Variants in PLB1 observed in about 807,000 individuals in gnomAD.
PLB1 encodes phospholipase B1.
Under a neutral mutation model 227.4 loss-of-function variants are expected in PLB1, and 242 were observed. That is an observed-to-expected ratio of 1.06 (90% CI 0.96 to 1.18). The LOEUF is 1.18. PLB1 is among the 50% of genes most tolerant of loss of function. The probability of loss-of-function intolerance (pLI) is 0.00; values close to 1 mark genes in which losing one functional copy is unlikely to be tolerated. For missense variants in PLB1, 1,858 were observed against 1,816.3 expected (o/e 1.02, Z -0.42); for synonymous variants, 757 against 682.2 (o/e 1.11, Z -1.71).
chr2:28,547,359 A>G (rs989825828), intron 14 of PLB1, among the ~76,000 whole-genome samples: 2 of 152,176 alleles, frequency 1.3e-5, no homozygotes, highest in Admixed American at 6.5e-5. Context: ...CCATCAGAAT[A>G]AAACAGAAAG....
intron 49 of PLB1, among the ~76,000 whole-genome samples, chr2:28,622,161 A>G (rs1283906338): frequency 2.6e-5 from 4 of 152,216 alleles, no homozygotes; most frequent in African/African-American, 9.6e-5. Flanking sequence ...CTTTATCTCT[A>G]TTCTGTTGTT....
intron 17 of PLB1, among the ~76,000 whole-genome samples, chr2:28,561,887 C>T (rs561552195): frequency 6.6e-6 from 1 of 150,774 alleles, no homozygotes; most frequent in South Asian, 2.1e-4. Flanking sequence ...GAGACTTTGT[C>T]TCAAAAGATA....
intron 23 of PLB1, among the ~76,000 whole-genome samples, chr2:28,580,147 T>TG (rs1679676923): frequency 6.6e-6 from 1 of 152,220 alleles, no homozygotes; most frequent in Non-Finnish European, 1.5e-5. Flanking sequence ...TCTGGGCTGG[T>TG]GGGAAACCCA....
chr2:28,518,598 C>T, intron 3 of PLB1, 66 bp downstream of exon 3: 2 of 1,224,244 alleles, frequency 1.6e-6, no homozygotes, highest in Non-Finnish European at 2.4e-6. Context: ...CCAGCAGAGG[C>T]TCTAACCCTA....
At position 28,589,556 on chromosome 2, in the gene PLB1, T is replaced by TA; in HGVS notation, c.1920+5dup. On this transcript the variant is annotated splice_region_variant and intron_variant, in intron 27 of 57. Transcript: ENST00000327757. ...AACGTGGACATGCCAAAGACCTCGG[T>TA]AAAGAAAGCAAGCATCGTAGAAAAA... 6.2e-7 allele frequency: 1 copy of TA among 1,613,916 alleles called. No homozygotes were observed. Among genetic ancestry groups the TA allele is most frequent in the Non-Finnish European group, 8.5e-7 (1 of 1,179,822 alleles).
At chr2:28,535,388 G>A (rs184860405) in intron 9 of PLB1, among the ~76,000 whole-genome samples, 5 of 152,270 alleles carry the variant, frequency 3.3e-5, no homozygotes, top group Non-Finnish European at 7.4e-5. Flanking sequence ...ACTTACCCCA[G>A]AGGCCCTGTG....
At position 28,522,649 on chromosome 2, in the gene PLB1, T is replaced by G. The variant is rs546145871; in HGVS notation, c.244-2618T>G. Among the ~76,000 whole-genome samples, 8 of 152,292 alleles carry G rather than the reference T, an allele frequency of 5.3e-5. No individual in the cohort carries two copies. In the East Asian group the frequency reaches 1.4e-3, roughly 26 times the overall value. On this transcript the variant is annotated intron_variant, in intron 4 of 57. Transcript: ENST00000327757. ...TAAGCCCGTCAGTGACTTGCACTCC[T>G]TGGTCTCATCTCGGAAAGAGCTCTT...
At chr2:28,601,167 A>T in intron 36 of PLB1, 85 bp from the exon 37 acceptor site, 1 of 1,151,084 alleles carries the variant, frequency 8.7e-7, no homozygotes, top group Non-Finnish European at 1.3e-6. Context: ...CAAGGATGTT[A>T]TAGAGGGTTG....
Position 28,555,232 on chromosome 2 carries a change from C to A in PLB1, c.1147+2241C>A, listed in dbSNP as rs180800119. Reference sequence around the variant, plus strand: ...TTTCCGCTTACTGCAACCTCCACCCCCTGGGTTCAAGCGATTCTCCTGCCT... The same window carrying A: ...TTTCCGCTTACTGCAACCTCCACCCACTGGGTTCAAGCGATTCTCCTGCCT... On this transcript the variant is annotated intron_variant, in intron 17 of 57. Transcript: ENST00000327757. 1.4e-4 allele frequency among the ~76,000 whole-genome samples: 21 copies of A among 151,770 alleles called. No individual in the cohort carries two copies. In the East Asian group the frequency reaches 1.5e-3, roughly 11 times the overall value.
chr2:28,638,654 G>A (rs1297307083), intron 56 of PLB1, among the ~76,000 whole-genome samples: 1 of 151,594 alleles, frequency 6.6e-6, no homozygotes, highest in African/African-American at 2.4e-5. Context: ...TTTTTGGTTT[G>A]GGGTCTAAGA....
chr2:28,596,228 A>G (rs1472716537), intron 33 of PLB1, among the ~76,000 whole-genome samples: 1 of 152,190 alleles, frequency 6.6e-6, no homozygotes, highest in Non-Finnish European at 1.5e-5. Context: ...AACATAAATG[A>G]TATCCATCTG....
At chr2:28,506,144 G>T (rs1400942178) in intron 1 of PLB1, among the ~76,000 whole-genome samples, 1 of 152,216 alleles carries the variant, frequency 6.6e-6, no homozygotes, top group Non-Finnish European at 1.5e-5. Context: ...GGCTGTGCCT[G>T]GCTGGTAGTT....
intron 56 of PLB1, among the ~76,000 whole-genome samples, chr2:28,634,054 C>T (rs2148344927): frequency 6.6e-6 from 1 of 152,312 alleles, no homozygotes; most frequent in South Asian, 2.1e-4. Flanking sequence ...TATACCATCT[C>T]CTCCTCTCTA....
chr2:28,596,785 G>T (rs562130997), intron 33 of PLB1, among the ~76,000 whole-genome samples: 2 of 152,334 alleles, frequency 1.3e-5, no homozygotes, highest in South Asian at 2.1e-4. Flanking sequence ...TAAGATTTAC[G>T]GCATCTGCCT....
chr2:28,501,262 C>T (rs1235353075), intron 1 of PLB1, among the ~76,000 whole-genome samples: 1 of 152,188 alleles, frequency 6.6e-6, no homozygotes, highest in Non-Finnish European at 1.5e-5. Context: ...AATTTACTCA[C>T]TTACTGAATC....
In PLB1 at chr2:28,573,072, G is replaced by C; in HGVS notation, c.1325-125G>C. 3 of 695,882 alleles carry C rather than the reference G, an allele frequency of 4.3e-6. No homozygotes were observed. In the South Asian group the frequency reaches 5.1e-5, roughly 12 times the overall value. 43.1% of individuals were successfully genotyped at this position (695,882 alleles called of 1,614,324 possible). On this transcript the variant is annotated intron_variant, in intron 20 of 57. Coordinates refer to ENST00000327757, the MANE Select transcript of PLB1 (RefSeq NM_153021.5). ...CATTTTCTTCCCATGCTGAGTGAAG[G>C]TTGGGGTAAGAGTAGGGGCTGCGGA...
chr2:28,613,739 G>C (rs1685804309), intron 43 of PLB1, among the ~76,000 whole-genome samples: 2 of 152,122 alleles, frequency 1.3e-5, no homozygotes, highest in South Asian at 4.1e-4. Context: ...AAAATAGATA[G>C]GTCTGAGGAT....
chr2:28,565,404 G>A (rs1676720052), intron 19 of PLB1, 51 bp downstream of exon 19: 2 of 1,521,072 alleles, frequency 1.3e-6, no homozygotes, highest in South Asian at 1.2e-5. Flanking sequence ...GCAGAGCAAG[G>A]GAAGCCCCCT....
intron 1 of PLB1, among the ~76,000 whole-genome samples, chr2:28,512,818 T>C (rs910026173): frequency 6.6e-6 from 1 of 152,174 alleles, no homozygotes; most frequent in Non-Finnish European, 1.5e-5. Context: ...TTGCTTGCTG[T>C]GTATGCAGGT....
Sources: gnomAD v4.1 joint callset for allele counts (sites outside exome capture counted in the v4.1 genomes callset) on GRCh38, gnomAD v4.1.1 for gene constraint, MANE v1.5 for transcripts, NCBI Gene and HGNC (gene_info 2026-07-23, HGNC 2026-07-21) for gene names.